Variants in SVOPL observed in about 807,000 individuals in gnomAD.
SVOPL encodes the protein SVOP like, also known as putative transporter SVOPL.
Under a neutral mutation model 61.0 loss-of-function variants are expected in SVOPL, and 60 were observed. The observed-to-expected ratio is 0.98, with a 90% CI of 0.80 to 1.22. The LOEUF (loss-of-function observed/expected upper bound fraction) is 1.22, where lower values mean the gene tolerates loss of function less well. Among genes scored for constraint, SVOPL ranks in the 50% most tolerant of loss-of-function variants. The pLI is 0.00. For missense variants in SVOPL, 662 were observed against 643.9 expected (o/e 1.03, Z -0.30); for synonymous variants, 279 against 250.0 (o/e 1.12, Z -1.09).
At chr7:138,660,697 T>C (rs1801963329) in intron 5 of SVOPL, 1 of 985,312 alleles carries the variant, frequency 1.0e-6, no homozygotes, top group South Asian at 4.7e-5. Flanking sequence ...GCTAGATTTC[T>C]GGAAGACAAA....
chr7:138,677,494 T>C (rs1300732797), intron 3 of SVOPL, among the ~76,000 whole-genome samples: 1 of 152,166 alleles, frequency 6.6e-6, no homozygotes, highest in Non-Finnish European at 1.5e-5. Context: ...TCAAATATTT[T>C]ACCCCAAGAC....
At chr7:138,671,927 A>G (rs912961919) in intron 4 of SVOPL, 92 bp downstream of exon 4, 33 of 1,152,222 alleles carry the variant, frequency 2.9e-5, no homozygotes, top group Non-Finnish European at 4.0e-5. Flanking sequence ...GGCAGTGGTG[A>G]GACACCCTTT....
chr7:138,657,381 A>G (rs2117061910), intron 6 of SVOPL, among the ~76,000 whole-genome samples: 1 of 152,124 alleles, frequency 6.6e-6, no homozygotes, highest in African/African-American at 2.4e-5. Context: ...GCCTCAAGCA[A>G]CTGTTGCACC....
chr7:138,680,323 G>A (rs1442758827), intron 1 of SVOPL, among the ~76,000 whole-genome samples: 1 of 151,794 alleles, frequency 6.6e-6, no homozygotes, highest in Non-Finnish European at 1.5e-5. Flanking sequence ...TAATTTTTGT[G>A]TTTTTAGTAG....
At chr7:138,656,842 A>C (rs1438539494) in intron 6 of SVOPL, among the ~76,000 whole-genome samples, 1 of 152,136 alleles carries the variant, frequency 6.6e-6, no homozygotes, top group African/African-American at 2.4e-5. Flanking sequence ...CAGGAGTTCG[A>C]GACCAGCCTG....
In SVOPL at chr7:138,676,535, G is replaced by A. The variant is rs995793418; in HGVS notation, c.174+1899C>T. 1.2e-4 allele frequency among the ~76,000 whole-genome samples: 18 copies of A among 147,024 alleles called. No individual in the cohort carries two copies. The South Asian group carries it at 1.2e-3, about 10-fold the overall frequency. ...TTATAAGGGCCTTAATCCCATTCAC[G>A]AGGGAGGAGTCCCCGCCTCTTCACA... On this transcript the variant is annotated intron_variant, in intron 3 of 15. Transcript: ENST00000674285.
intron 5 of SVOPL, chr7:138,661,624 T>C: frequency 3.0e-6 from 3 of 985,120 alleles, no homozygotes; most frequent in Non-Finnish European, 3.6e-6. Flanking sequence ...TCTCCATGTT[T>C]TTAGATTTTG....
At chr7:138,656,263 G>A (rs952223944) in intron 7 of SVOPL, among the ~76,000 whole-genome samples, 185 bp downstream of exon 7, 1 of 152,182 alleles carries the variant, frequency 6.6e-6, no homozygotes, top group Non-Finnish European at 1.5e-5. Context: ...CTAGACTTTA[G>A]TATAGTGTAA....
At chr7:138,691,602 G>A (rs994798978) in intron 1 of SVOPL, among the ~76,000 whole-genome samples, 15 of 152,128 alleles carry the variant, frequency 9.9e-5, no homozygotes, top group South Asian at 2.1e-4. Flanking sequence ...GTGCGATGGC[G>A]TGATCTCGGC....
At chr7:138,637,188 G>A (rs1254932422) in intron 9 of SVOPL, among the ~76,000 whole-genome samples, 5 of 152,038 alleles carry the variant, frequency 3.3e-5, no homozygotes, top group Admixed American at 2.6e-4. Flanking sequence ...AGCACTTTGG[G>A]AAGTTGAGGT....
chr7:138,673,825 C>A (rs1250469480), intron 3 of SVOPL, among the ~76,000 whole-genome samples: 1 of 152,092 alleles, frequency 6.6e-6, no homozygotes, highest in Non-Finnish European at 1.5e-5. Context: ...GGAGAGGGAC[C>A]AGGCAGGGAG....
chr7:138,640,212 T>G (rs1584817605), intron 9 of SVOPL, among the ~76,000 whole-genome samples: 1 of 34,918 alleles, frequency 2.9e-5, no homozygotes. Context: ...GACAATGATT[T>G]TTTTTTAACT....
intron 1 of SVOPL, among the ~76,000 whole-genome samples, chr7:138,688,416 T>A (rs1802868622): frequency 6.6e-6 from 1 of 151,998 alleles, no homozygotes; most frequent in Admixed American, 6.6e-5. Context: ...ATTACAGGCA[T>A]GCACCACCAC....
intron 3 of SVOPL, among the ~76,000 whole-genome samples, chr7:138,677,440 C>G (rs771889956): frequency 4.6e-5 from 7 of 152,104 alleles, no homozygotes; most frequent in African/African-American, 7.2e-5. Flanking sequence ...TAGATCGTGA[C>G]TTACTTTCCG....
At chr7:138,654,130 CAAA>C (rs34730936) in intron 7 of SVOPL, among the ~76,000 whole-genome samples, 25,968 of 99,018 alleles carry the variant, frequency 0.26, 2,628 homozygotes, top group African/African-American at 0.34. Context: ...AAGACTCCCT[CAAA>C]AAAAAAAAAA....
intron 3 of SVOPL, among the ~76,000 whole-genome samples, chr7:138,675,060 A>G (rs1286774815): frequency 6.6e-6 from 1 of 152,044 alleles, no homozygotes; most frequent in Non-Finnish European, 1.5e-5. Context: ...ATTGGTTATC[A>G]TCAAAATAGG....
chr7:138,597,123 C>T (rs768351992), intron 14 of SVOPL: 46 of 1,278,724 alleles, frequency 3.6e-5, no homozygotes, highest in Non-Finnish European at 4.3e-5. Context: ...GATCTTTTCA[C>T]GCAGATACTG....
chr7:138,665,704 T>C (rs940131275), intron 4 of SVOPL, among the ~76,000 whole-genome samples: 2 of 152,164 alleles, frequency 1.3e-5, no homozygotes, highest in Non-Finnish European at 2.9e-5. Context: ...TTCTCAAGGA[T>C]CTAAGAGGTG....
At chr7:138,635,078 G>A (rs983103747) in intron 9 of SVOPL, among the ~76,000 whole-genome samples, 25 of 152,086 alleles carry the variant, frequency 1.6e-4, no homozygotes, top group African/African-American at 5.6e-4. Flanking sequence ...TTCGAGACCA[G>A]CCTGACCAAC....
Sources: gnomAD v4.1 joint callset for allele counts (sites outside exome capture counted in the v4.1 genomes callset) on GRCh38, gnomAD v4.1.1 for gene constraint, MANE v1.5 for transcripts, NCBI Gene and HGNC (gene_info 2026-07-23, HGNC 2026-07-21) for gene names.